The following GSG1L variants were observed in gnomAD, a reference collection of about 807,000 sequenced individuals.
GSG1L encodes GSG1 like, also known as germ cell-specific gene 1-like protein.
A neutral mutation model predicts 42.1 loss-of-function variants in GSG1L; 24 were observed. The ratio of observed to expected loss-of-function variants is 0.57; its 90% CI spans 0.41 to 0.80. The LOEUF (loss-of-function observed/expected upper bound fraction) is 0.80. Among genes scored for constraint, GSG1L ranks in the 30% least tolerant of loss-of-function variants. The pLI is 0.00. For missense variants in GSG1L, 445 were observed against 472.2 expected (o/e 0.94, Z 0.53); for synonymous variants, 215 against 203.5 (o/e 1.06, Z -0.48).
chr16:27,921,877 G>T (rs2084528608), intron 2 of GSG1L, among the ~76,000 whole-genome samples: 1 of 152,052 alleles, frequency 6.6e-6, no homozygotes, highest in Admixed American at 6.5e-5. Context: ...AAGAGACTGG[G>T]GCATCAGAAT....
chr16:28,006,983 G>T (rs1368425298), intron 1 of GSG1L, among the ~76,000 whole-genome samples: 2 of 152,172 alleles, frequency 1.3e-5, no homozygotes, highest in Admixed American at 1.3e-4. Flanking sequence ...CCTGGTCAGG[G>T]AGACACTGAG....
chr16:27,833,481 C>A (rs1047360363), intron 4 of GSG1L, among the ~76,000 whole-genome samples: 4 of 152,054 alleles, frequency 2.6e-5, no homozygotes, highest in African/African-American at 9.7e-5. Context: ...ATTCTAATTC[C>A]TTTGCCTTCC....
chr16:27,979,252 T>C (rs1223765997), intron 1 of GSG1L, among the ~76,000 whole-genome samples: 1 of 151,812 alleles, frequency 6.6e-6, no homozygotes, highest in Admixed American at 6.6e-5. Flanking sequence ...CTAGACAACA[T>C]AGCAAGAATC....
chr16:27,854,422 A>G (rs1022262878), intron 3 of GSG1L, among the ~76,000 whole-genome samples: 1 of 152,112 alleles, frequency 6.6e-6, no homozygotes, highest in Non-Finnish European at 1.5e-5. Flanking sequence ...CACTATGCAG[A>G]TATGAGCAGG....
At chr16:27,917,628 A>G (rs1363272878) in intron 2 of GSG1L, among the ~76,000 whole-genome samples, 4 of 152,200 alleles carry the variant, frequency 2.6e-5, no homozygotes, top group African/African-American at 9.6e-5. Context: ...GAATCCAGCC[A>G]TTCCTCCCAA....
intron 1 of GSG1L, among the ~76,000 whole-genome samples, chr16:28,046,534 T>A (rs2086161264): frequency 6.6e-6 from 1 of 151,960 alleles, no homozygotes; most frequent in Non-Finnish European, 1.5e-5. Flanking sequence ...TTTGTATTTT[T>A]AGTAGAGACG....
chr16:27,882,295 A>T (rs774589806), intron 3 of GSG1L, among the ~76,000 whole-genome samples: 4 of 152,170 alleles, frequency 2.6e-5, no homozygotes, highest in Admixed American at 6.5e-5. Context: ...CTGTGAGTCC[A>T]TTAAACTTCT....
chr16:27,899,487 C>T (rs909280315), intron 2 of GSG1L, among the ~76,000 whole-genome samples: 1 of 152,094 alleles, frequency 6.6e-6, no homozygotes, highest in Non-Finnish European at 1.5e-5. Flanking sequence ...GAGGCTGAGG[C>T]GGGAGGATCG....
chr16:27,837,051 G>A (rs1271068202), intron 4 of GSG1L, among the ~76,000 whole-genome samples: 1 of 152,134 alleles, frequency 6.6e-6, no homozygotes, highest in African/African-American at 2.4e-5. Context: ...TTTCCCACTG[G>A]GCGAGTGTAT....
At chr16:27,943,000 A>G (rs1387685416) in intron 2 of GSG1L, among the ~76,000 whole-genome samples, 2 of 152,282 alleles carry the variant, frequency 1.3e-5, no homozygotes, top group East Asian at 3.9e-4. Context: ...CACTGCTTCT[A>G]GTTCAGGAGG....
At chr16:28,002,337 G>A (rs916353289) in intron 1 of GSG1L, among the ~76,000 whole-genome samples, 10 of 152,178 alleles carry the variant, frequency 6.6e-5, no homozygotes, top group African/African-American at 1.9e-4. Flanking sequence ...GATCCAGGGG[G>A]TGGCCACACA....
At position 28,019,184 on chromosome 16, in the gene GSG1L, C is replaced by T. The variant is rs562425100; in HGVS notation, c.349+43892G>A. Among the ~76,000 whole-genome samples the T allele has an allele frequency of 2.4e-3, 365 of 152,284 alleles. 1 individual carries two copies. Among genetic ancestry groups the T allele is most frequent in the Non-Finnish European group, 4.4e-3 (299 of 68,014 alleles). On this transcript the variant is annotated intron_variant, in intron 1 of 6. Coordinates refer to ENST00000447459, the MANE Select transcript of GSG1L (RefSeq NM_001109763.2). ...TCTAAGTCACAGGATGAGATGGGAGCACAAGATATCAGCACAAGATACAGG... is the reference window on the plus strand; with the variant it reads ...TCTAAGTCACAGGATGAGATGGGAGTACAAGATATCAGCACAAGATACAGG...
chr16:27,884,358 A>T lies in GSG1L; in HGVS notation c.550+128T>A. 1.2e-6 allele frequency: 1 copy of T among 839,488 alleles called. No individual in the cohort carries two copies. The highest frequency in any genetic ancestry group is 1.8e-6 in the Non-Finnish European group (1 of 555,518). 52.0% of individuals were successfully genotyped at this position (839,488 alleles called of 1,614,324 possible). A position where few individuals can be genotyped will look rare whatever the true frequency, so the allele number is the denominator to read the frequency against. On this transcript the variant is annotated intron_variant, in intron 3 of 6. Transcript: ENST00000447459. The surrounding 1 kb of genome is among the most constrained non-coding windows in gnomAD (Gnocchi z 4.4). ...CATTGGTCATTTTTTACAAACGATA[A>T]AACTGAGGCTCACAGAAGAGAAGCA...
At chr16:27,934,368 AC>A (rs1261891965) in intron 2 of GSG1L, among the ~76,000 whole-genome samples, 5 of 151,972 alleles carry the variant, frequency 3.3e-5, no homozygotes, top group Admixed American at 6.6e-5. Flanking sequence ...ACATGGCAAA[AC>A]CCCATCTCTA....
At position 27,789,332 on chromosome 16, in the gene GSG1L, T is replaced by C. The variant is rs1367707343; in HGVS notation, c.*2038A>G. The stretch of plus-strand genomic sequence containing the variant: ...ATGGGCAGATGGAGGGATGAATGGA[T>C]GTGTGGATGACGGATAATGGATGGA... On this transcript the variant is annotated 3_prime_UTR_variant, in exon 7 of 7. Transcript: ENST00000447459. 6.6e-6 allele frequency: 1 copy of C among 151,624 alleles called. No homozygotes were observed. The highest frequency in any genetic ancestry group is 1.5e-5 in the Non-Finnish European group (1 of 67,868). 9.4% of individuals were successfully genotyped at this position (151,624 alleles called of 1,614,324 possible).
intron 1 of GSG1L, among the ~76,000 whole-genome samples, chr16:27,980,680 C>T (rs1277006278): frequency 2.0e-5 from 3 of 151,890 alleles, no homozygotes; most frequent in Non-Finnish European, 4.4e-5. Flanking sequence ...CCCAGCAGTT[C>T]GAGACCAGCC....
Position 27,996,207 on chromosome 16 carries a change from T to C in GSG1L, c.350-33004A>G, listed in dbSNP as rs2085512922. On this transcript the variant is annotated intron_variant, in intron 1 of 6. Coordinates refer to ENST00000447459, the MANE Select transcript of GSG1L (RefSeq NM_001109763.2). ...TCCACACCATCAGCCACAGGAATAC[T>C]TGTAGAACCCATATCTGAATTCTGC... Among the ~76,000 whole-genome samples the C allele has an allele frequency of 2.6e-5, 4 of 152,156 alleles. No homozygotes were observed. In the South Asian group the frequency reaches 8.3e-4, roughly 32 times the overall value.
intron 1 of GSG1L, among the ~76,000 whole-genome samples, chr16:28,044,693 G>A (rs1349561843): frequency 4.0e-5 from 6 of 148,276 alleles, no homozygotes; most frequent in East Asian, 2.0e-4. Flanking sequence ...GCACGATCTC[G>A]GTTTACTGCA....
intron 5 of GSG1L, among the ~76,000 whole-genome samples, chr16:27,814,267 A>C (rs571832901): frequency 1.4e-4 from 21 of 151,474 alleles, no homozygotes; most frequent in African/African-American, 5.1e-4. Context: ...ACACACCACC[A>C]CCCCCAGCTA....
Sources: gnomAD v4.1 joint callset for allele counts (sites outside exome capture counted in the v4.1 genomes callset) on GRCh38, gnomAD v4.1.1 for gene constraint, Gnocchi (gnomAD v3.1) non-coding constraint, MANE v1.5 for transcripts, NCBI Gene and HGNC (gene_info 2026-07-23, HGNC 2026-07-21) for gene names.